ELSPBP1: variants seen among roughly 807,000 people sequenced by gnomAD.
The protein encoded by ELSPBP1 is epididymal sperm binding protein 1.
ELSPBP1 carries 38 observed loss-of-function variants against 33.3 expected under a neutral mutation model. The observed-to-expected ratio is 1.14, with a 90% CI of 0.88 to 1.50. The LOEUF (loss-of-function observed/expected upper bound fraction) is 1.50. Among genes scored for constraint, ELSPBP1 ranks in the 40% most tolerant of loss-of-function variants. ELSPBP1 has a pLI of 0.00. For missense variants in ELSPBP1, 267 were observed against 263.5 expected (o/e 1.01, Z -0.09); for synonymous variants, 85 against 94.1 (o/e 0.90, Z 0.56).
chr19:48,008,251 G>C (rs1188613504), intron 1 of ELSPBP1, among the ~76,000 whole-genome samples: 1 of 152,026 alleles, frequency 6.6e-6, no homozygotes, highest in East Asian at 1.9e-4. Flanking sequence ...TGTGTATTTA[G>C]AGATAGGGTC....
At chr19:48,006,592 C>T (rs532070991) in intron 1 of ELSPBP1, among the ~76,000 whole-genome samples, 35 of 58,928 alleles carry the variant, frequency 5.9e-4, no homozygotes, top group South Asian at 3.3e-3. Context: ...CCAGTCTGGG[C>T]GTCTGGGCGA....
chr19:48,005,159 C>T (rs1600102908), intron 1 of ELSPBP1, among the ~76,000 whole-genome samples: 1 of 151,016 alleles, frequency 6.6e-6, no homozygotes, highest in Non-Finnish European at 1.5e-5. Context: ...GCCATGATGG[C>T]GCCACTGCAC....
intron 1 of ELSPBP1, among the ~76,000 whole-genome samples, chr19:47,997,394 ATATGATGTGTGTATATTACACATGCCTG>A (rs1966921846): frequency 1.3e-5 from 2 of 152,200 alleles, no homozygotes; most frequent in Non-Finnish European, 2.9e-5. Context: ...ATATGTGCAC[ATATGATGTGTGTATATTACACATGCCTG>A]TATACATATA....
At chr19:47,998,006 C>T (rs1966927350) in intron 1 of ELSPBP1, among the ~76,000 whole-genome samples, 1 of 152,192 alleles carries the variant, frequency 6.6e-6, no homozygotes, top group African/African-American at 2.4e-5. Context: ...ATGGGGAACA[C>T]AGATGCAGTG....
chr19:47,999,032 T>G (rs1966941130), intron 1 of ELSPBP1, among the ~76,000 whole-genome samples: 1 of 152,154 alleles, frequency 6.6e-6, no homozygotes, highest in South Asian at 2.1e-4. Context: ...CATCAGCAGC[T>G]TTGCCCTCAC....
chr19:48,018,940 G>C (rs1180402479), intron 4 of ELSPBP1, among the ~76,000 whole-genome samples: 1 of 152,178 alleles, frequency 6.6e-6, no homozygotes, highest in African/African-American at 2.4e-5. Flanking sequence ...AATCACCTGA[G>C]GTCAGGAGTT....
rs62129072 is a variant in ELSPBP1 at position 48,011,141 on chromosome 19, A to G, written c.70+2404A>G. ...GGTGACAGTGATGATGATGACGATG[A>G]TGATAATGATTATGACAATGATGTG... On this transcript the variant is annotated intron_variant, in intron 2 of 6. Coordinates refer to ENST00000339841, the MANE Select transcript of ELSPBP1 (RefSeq NM_022142.5). The surrounding 1 kb of genome is among the most constrained non-coding windows in gnomAD (Gnocchi z 4.5). Among the ~76,000 whole-genome samples, 70,180 of 151,816 alleles carry G rather than the reference A, an allele frequency of 0.46. 17,253 individuals carry two copies. The highest frequency in any genetic ancestry group is 0.79 in the East Asian group (4,066 of 5,152).
At chr19:48,008,963 C>T (rs1438322969) in intron 2 of ELSPBP1, among the ~76,000 whole-genome samples, 3 of 151,832 alleles carry the variant, frequency 2.0e-5, no homozygotes, top group Non-Finnish European at 4.4e-5. Context: ...TGGTGAAACC[C>T]CATCTCTACT....
At chr19:48,016,147 A>G (rs1600109418) in intron 4 of ELSPBP1, 108 bp downstream of exon 4, 1 of 1,326,824 alleles carries the variant, frequency 7.5e-7, no homozygotes, top group Non-Finnish European at 1.0e-6. Context: ...CCCAGGGGGA[A>G]GTACTTACAG....
Position 48,011,440 on chromosome 19 carries a change from G to A in ELSPBP1, c.70+2703G>A, listed in dbSNP as rs936775861. Among the ~76,000 whole-genome samples the A allele has an allele frequency of 1.6e-4, 11 of 68,320 alleles. No homozygotes were observed. Among genetic ancestry groups the A allele is most frequent in the South Asian group, 5.5e-4 (1 of 1,832 alleles). The allele number at this position is 68,320 out of a possible 152,430, so 44.8% of individuals were successfully genotyped here. The stretch of plus-strand genomic sequence containing the variant: ...TGATGAGGAGGAGAATAATGATCAC[G>A]ATGACAGTGATGATGATGACAATGA... On this transcript the variant is annotated intron_variant, in intron 2 of 6. Transcript: ENST00000339841. The surrounding 1 kb of genome is among the most constrained non-coding windows in gnomAD (Gnocchi z 4.5).
chr19:48,017,582 T>C (rs1967155383), intron 4 of ELSPBP1, among the ~76,000 whole-genome samples: 2 of 152,012 alleles, frequency 1.3e-5, no homozygotes, highest in Admixed American at 1.3e-4. Context: ...CTAAACCAAA[T>C]AGATGAATTA....
chr19:48,020,562 C>T (rs2122335040), intron 5 of ELSPBP1, among the ~76,000 whole-genome samples: 1 of 152,256 alleles, frequency 6.6e-6, no homozygotes, highest in African/African-American at 2.4e-5. Flanking sequence ...TCATCAGTGA[C>T]AAAGTTTAGC....
chr19:47,999,388 T>TTTC (rs56111585), intron 1 of ELSPBP1, among the ~76,000 whole-genome samples: 2 of 17,962 alleles, frequency 1.1e-4, no homozygotes, highest in East Asian at 9.0e-4. Flanking sequence ...GCCTCATTTC[T>TTTC]TTTTTTTTTT....
chr19:48,019,731 A>T lies in ELSPBP1; in HGVS notation c.368A>T (p.Asn123Ile), dbSNP rs374098769. ...TAATCCTTTTCAGAGTATGGGGGAAATTCTCTCAGGAAGCCCTGCATCTTC... is the reference window on the plus strand; with the variant it reads ...TAATCCTTTTCAGAGTATGGGGGAATTTCTCTCAGGAAGCCCTGCATCTTC... Reference protein sequence around the residue: ...KFCETNEYGGNSLRKPCIFPS... With the variant: ...KFCETNEYGGISLRKPCIFPS... The change falls in exon 5 of 7, where the codon AAT (asparagine) becomes ATT (isoleucine). Residue 123 changes from asparagine to isoleucine, a missense_variant. By Grantham distance (149) the Asn-to-Ile change is moderately radical (BLOSUM62 -3). Coordinates refer to ENST00000339841, the MANE Select transcript of ELSPBP1 (RefSeq NM_022142.5). 6.2e-7 allele frequency: 1 copy of T among 1,613,742 alleles called. No individual in the cohort carries two copies. The highest frequency in any genetic ancestry group is 8.5e-7 in the Non-Finnish European group (1 of 1,179,896).
chr19:48,015,851 A>C, intron 3 of ELSPBP1, 42 bp from the exon 4 acceptor site: 1 of 1,564,586 alleles, frequency 6.4e-7, no homozygotes, highest in Non-Finnish European at 8.8e-7. Flanking sequence ...CCTGTGAACG[A>C]CTAGAGGAAG....
At chr19:48,015,481 C>G (rs1039539277) in intron 3 of ELSPBP1, among the ~76,000 whole-genome samples, 1 of 152,038 alleles carries the variant, frequency 6.6e-6, no homozygotes, top group Non-Finnish European at 1.5e-5. Flanking sequence ...CATGGCGACA[C>G]CCCATCTCTA....
At chr19:47,999,180 CCT>C (rs1258635032) in intron 1 of ELSPBP1, among the ~76,000 whole-genome samples, 3 of 152,206 alleles carry the variant, frequency 2.0e-5, no homozygotes, top group Admixed American at 6.5e-5. Flanking sequence ...TTTACATTCC[CCT>C]GTTTATTATT....
chr19:48,005,033 C>T (rs180949908), intron 1 of ELSPBP1, among the ~76,000 whole-genome samples: 31 of 152,152 alleles, frequency 2.0e-4, no homozygotes, highest in African/African-American at 7.5e-4. Context: ...CTCGTCTCTA[C>T]AAACAATAAT....
intron 6 of ELSPBP1, among the ~76,000 whole-genome samples, chr19:48,023,856 TC>T (rs1967240905): frequency 6.6e-6 from 1 of 151,702 alleles, no homozygotes; most frequent in African/African-American, 2.4e-5. Flanking sequence ...TTTATTTTTT[TC>T]TTTTTCTTTA....
Sources: gnomAD v4.1 joint callset for allele counts (sites outside exome capture counted in the v4.1 genomes callset) on GRCh38, gnomAD v4.1.1 for gene constraint, Gnocchi (gnomAD v3.1) non-coding constraint, MANE v1.5 for transcripts, NCBI Gene and HGNC (gene_info 2026-07-23, HGNC 2026-07-21) for gene names.